Variants in VEZT observed in about 807,000 individuals in gnomAD.
The protein encoded by VEZT is vezatin, adherens junctions transmembrane protein.
A neutral mutation model predicts 79.9 loss-of-function variants in VEZT; 39 were observed. The observed-to-expected ratio is 0.49, with a 90% CI of 0.38 to 0.64. The LOEUF (loss-of-function observed/expected upper bound fraction) is 0.64. Ranked by LOEUF, VEZT falls within the 30% of genes least tolerant of loss-of-function variation. The probability of loss-of-function intolerance (pLI) is 0.00; values close to 1 mark genes in which losing one functional copy is unlikely to be tolerated. For synonymous variants in VEZT, 325 were observed against 327.6 expected (o/e 0.99, Z 0.09); for missense variants, 837 against 893.1 (o/e 0.94, Z 0.80).
chr12:95,247,197 T>C (rs2061843981), intron 1 of VEZT, among the ~76,000 whole-genome samples: 1 of 152,224 alleles, frequency 6.6e-6, no homozygotes, highest in Non-Finnish European at 1.5e-5. Context: ...GGTTGCATAT[T>C]CTACGTTAAC....
chr12:95,283,407 T>C (rs1049111510), intron 8 of VEZT, among the ~76,000 whole-genome samples: 3 of 152,070 alleles, frequency 2.0e-5, no homozygotes, highest in East Asian at 3.9e-4. Context: ...AAATGAATGG[T>C]TGGGTTCAAA....
chr12:95,257,130 A>G lies in VEZT; in HGVS notation c.169-20A>G. The G allele has an allele frequency of 6.3e-7, 1 of 1,591,068 alleles. No individual in the cohort carries two copies. Among genetic ancestry groups the G allele is most frequent in the South Asian group, 1.1e-5 (1 of 88,076 alleles). ...GGTATGCTTTTAATAATCCTATACA[A>G]TGTCATTCATTTCCTTCAGCAAGGT... is the stretch of plus-strand genomic sequence containing the variant. On this transcript the variant is annotated intron_variant, in intron 2 of 11. Transcript: ENST00000436874.
At chr12:95,284,979 G>A (rs570832666) in intron 8 of VEZT, among the ~76,000 whole-genome samples, 10 of 151,674 alleles carry the variant, frequency 6.6e-5, no homozygotes, top group South Asian at 6.3e-4. Flanking sequence ...CCAGTTACTC[G>A]GGAGGCTGAG....
At chr12:95,292,735 G>T (rs1439847546) in intron 9 of VEZT, among the ~76,000 whole-genome samples, 1 of 151,654 alleles carries the variant, frequency 6.6e-6, no homozygotes, top group Non-Finnish European at 1.5e-5. Context: ...TTTTATTAGA[G>T]ATGGGGTTTC....
intron 1 of VEZT, chr12:95,218,198 C>G: frequency 3.8e-6 from 1 of 265,836 alleles, no homozygotes. Context: ...GGGGACTGCG[C>G]CCGGCTGGGG....
In VEZT at chr12:95,296,085, A is replaced by G. The variant is rs1481085613; in HGVS notation, c.1658A>G (p.Asp553Gly). 6.4e-7 allele frequency: 1 copy of G among 1,557,080 alleles called. No individual in the cohort carries two copies. The highest frequency in any genetic ancestry group is 1.4e-5 in the African/African-American group (1 of 73,530). The change falls in exon 11 of 12, where the codon GAT becomes GGT. Residue 553 changes from aspartate (D) to glycine (G), a missense_variant. Transcript: ENST00000436874. ...LEAYVDDIDIDSDFRKDDFYY... is the reference protein window; with the variant it reads ...LEAYVDDIDIGSDFRKDDFYY... The stretch of plus-strand genomic sequence containing the variant: ...GCTTATGTAGATGATATAGATATTG[A>G]TAGTGATTTCAGAAAGGATGATTTT...
intron 6 of VEZT, among the ~76,000 whole-genome samples, chr12:95,271,957 A>G (rs2066694817): frequency 6.6e-6 from 1 of 152,312 alleles, no homozygotes; most frequent in African/African-American, 2.4e-5. Context: ...GCTTGAGCCC[A>G]GGAGTTTGAG....
intron 2 of VEZT, among the ~76,000 whole-genome samples, chr12:95,253,837 T>C (rs2063014385): frequency 6.6e-6 from 1 of 152,224 alleles, no homozygotes; most frequent in South Asian, 2.1e-4. Flanking sequence ...CAATGGCTCA[T>C]GTCTATAATC....
chr12:95,228,539 A>G (rs1038994860), intron 1 of VEZT, among the ~76,000 whole-genome samples: 2 of 152,080 alleles, frequency 1.3e-5, no homozygotes, highest in African/African-American at 4.8e-5. Context: ...CCTGAGTTTC[A>G]GTTTGTCAAA....
rs576250461 is a variant in VEZT, at chr12:95,287,528, C to G, written c.1329-136C>G. On this transcript the variant is annotated intron_variant, in intron 8 of 11. Transcript: ENST00000436874. ...ATGTTGCCCAAGCTGGTTTTGAACTCCTGAGCTCAAGCCATTCACCTGCCT... is the reference window on the plus strand; with the variant it reads ...ATGTTGCCCAAGCTGGTTTTGAACTGCTGAGCTCAAGCCATTCACCTGCCT... The G allele has an allele frequency of 6.0e-5, 44 of 736,478 alleles. No individual in the cohort carries two copies. In the Admixed American group the frequency reaches 7.6e-4, roughly 13 times the overall value. The allele number at this position is 736,478 out of a possible 1,614,324, so 45.6% of individuals were successfully genotyped here. A position where few individuals can be genotyped will look rare whatever the true frequency, so the allele number is the denominator to read the frequency against.
chr12:95,284,038 G>A (rs2069889129), intron 8 of VEZT, among the ~76,000 whole-genome samples: 1 of 150,534 alleles, frequency 6.6e-6, no homozygotes, highest in African/African-American at 2.4e-5. Flanking sequence ...AGTGAGGGAA[G>A]ATGGCTCAGG....
intron 7 of VEZT, among the ~76,000 whole-genome samples, chr12:95,277,463 T>TAA (rs576849435): frequency 6.7e-6 from 1 of 148,390 alleles, no homozygotes. Context: ...CAACCCTGTT[T>TAA]AAAAAAAAAA....
At chr12:95,258,309 T>A in intron 3 of VEZT, 1 of 455,602 alleles carries the variant, frequency 2.2e-6, no homozygotes, top group Non-Finnish European at 4.4e-6. Context: ...CATATACATT[T>A]TTCTGTGATT....
chr12:95,251,584 C>G (rs1420679235), intron 1 of VEZT, among the ~76,000 whole-genome samples: 3 of 152,002 alleles, frequency 2.0e-5, no homozygotes, highest in Non-Finnish European at 4.4e-5. Context: ...TTTGAGTTAT[C>G]TATAACATTG....
intron 5 of VEZT, among the ~76,000 whole-genome samples, chr12:95,269,584 G>A (rs1300241995): frequency 2.0e-5 from 3 of 152,160 alleles, no homozygotes; most frequent in Non-Finnish European, 4.4e-5. Flanking sequence ...ATGAACGTAT[G>A]TAAATGTATA....
chr12:95,287,500 A>T (rs1252186493), intron 8 of VEZT, among the ~76,000 whole-genome samples, 164 bp from the exon 9 acceptor site: 3 of 152,038 alleles, frequency 2.0e-5, no homozygotes, highest in Non-Finnish European at 2.9e-5. Context: ...AAGGGGTTTC[A>T]CCATGTTGCC....
chr12:95,300,004 C>A (rs947414733), intron 11 of VEZT, 161 bp from the exon 12 acceptor site: 8 of 454,828 alleles, frequency 1.8e-5, no homozygotes, highest in Non-Finnish European at 2.6e-5. Context: ...ATAAAGTTTC[C>A]TGGATTTATA....
intron 1 of VEZT, among the ~76,000 whole-genome samples, chr12:95,238,155 TTATATTA>T (rs1339830090): frequency 6.6e-6 from 1 of 152,202 alleles, no homozygotes; most frequent in Non-Finnish European, 1.5e-5. Flanking sequence ...AGAGACAATT[TTATATTA>T]TAGTTTAAAA....
intron 1 of VEZT, among the ~76,000 whole-genome samples, chr12:95,229,627 A>G (rs1318433263): frequency 6.6e-6 from 1 of 152,188 alleles, no homozygotes; most frequent in Non-Finnish European, 1.5e-5. Flanking sequence ...CAGGAAAAGA[A>G]TCTATTCATT....
Sources: gnomAD v4.1 joint callset for allele counts (sites outside exome capture counted in the v4.1 genomes callset) on GRCh38, gnomAD v4.1.1 for gene constraint, MANE v1.5 for transcripts, NCBI Gene and HGNC (gene_info 2026-07-23, HGNC 2026-07-21) for gene names.